Variants in MS4A18 observed in about 807,000 individuals in gnomAD.
The protein encoded by MS4A18 is membrane-spanning 4-domains subfamily A member 18.
In MS4A18, 27 loss-of-function variants were observed where a neutral mutation model predicts 13.1. The observed-to-expected ratio is 2.06, with a 90% CI of 1.52 to 2.84. The LOEUF (loss-of-function observed/expected upper bound fraction) is 2.84, where lower values mean the gene tolerates loss of function less well. MS4A18 is among the 30% of genes most tolerant of loss of function. MS4A18 has a pLI of 0.00. For missense variants in MS4A18, 307 were observed against 196.4 expected (o/e 1.56, Z -3.37); for synonymous variants, 126 against 76.5 (o/e 1.65, Z -3.38).
chr11:60,724,882 T>C (rs893736434), upstream of MS4A18, among the ~76,000 whole-genome samples: 3 of 152,168 alleles, frequency 2.0e-5, no homozygotes, highest in Admixed American at 6.5e-5. Flanking sequence ...CCCTCGGAAG[T>C]GTCTCTTGAG....
At chr11:60,736,566 A>C (rs1853342488) in intron 2 of MS4A18, among the ~76,000 whole-genome samples, 1 of 152,052 alleles carries the variant, frequency 6.6e-6, no homozygotes, top group Admixed American at 6.5e-5. Context: ...CACCCACCAC[A>C]CTGCTCAGCC....
At chr11:60,730,950 C>T (rs542860743) in intron 1 of MS4A18, among the ~76,000 whole-genome samples, 9 of 152,178 alleles carry the variant, frequency 5.9e-5, no homozygotes, top group Non-Finnish European at 1.0e-4. Flanking sequence ...AAAAATTAGC[C>T]AGGTGTGGTG....
At chr11:60,742,875 T>A (rs1228924429) in intron 5 of MS4A18, among the ~76,000 whole-genome samples, 1 of 152,204 alleles carries the variant, frequency 6.6e-6, no homozygotes. Context: ...TGCCTGATGA[T>A]CTCCTTAGCC....
At chr11:60,732,673 G>A (rs1216778417) in intron 1 of MS4A18, among the ~76,000 whole-genome samples, 1 of 149,384 alleles carries the variant, frequency 6.7e-6, no homozygotes, top group African/African-American at 2.5e-5. Context: ...ACAGCTTGCA[G>A]TGAGCCAAGA....
rs928060330 is a variant in MS4A18, at chr11:60,730,427, C to G, written c.477+635C>G. 1.9e-4 allele frequency among the ~76,000 whole-genome samples: 29 copies of G among 152,338 alleles called. 1 individual carries two copies. The highest frequency in any genetic ancestry group is 6.7e-4 in the African/African-American group (28 of 41,568). On this transcript the variant is annotated intron_variant, in intron 1 of 5. Transcript: ENST00000529108. ...GTCACAGATGCCCATACTCTATGCA[C>G]TCATCCATTCAACACTGCACGTGCC...
intron 5 of MS4A18, among the ~76,000 whole-genome samples, chr11:60,743,379 G>A (rs928157085): frequency 9.2e-5 from 14 of 152,160 alleles, no homozygotes; most frequent in Non-Finnish European, 1.5e-4. Context: ...GGGACAACTG[G>A]GCCACTTGTC....
upstream of MS4A18, among the ~76,000 whole-genome samples, chr11:60,726,808 G>A (rs536364431): frequency 1.3e-5 from 2 of 148,216 alleles, no homozygotes; most frequent in South Asian, 2.1e-4. Context: ...TGTGCAGAAC[G>A]TGCAGGCTTG....
chr11:60,729,405 C>T, exon 1 of MS4A18: 1 of 702,810 alleles, frequency 1.4e-6, no homozygotes, highest in Non-Finnish European at 2.6e-6. Context: ...ACCCTGTGGC[C>T]TCTGGAAATC....
intron 1 of MS4A18, among the ~76,000 whole-genome samples, chr11:60,730,809 G>T (rs2134674404): frequency 6.6e-6 from 1 of 152,292 alleles, no homozygotes; most frequent in African/African-American, 2.4e-5. Flanking sequence ...AGAAATCCTG[G>T]TCAGGCCGGA....
At chr11:60,741,474 T>G (rs1853414038) in intron 5 of MS4A18, among the ~76,000 whole-genome samples, 1 of 152,100 alleles carries the variant, frequency 6.6e-6, no homozygotes, top group African/African-American at 2.4e-5. Flanking sequence ...CATCCTCCAG[T>G]ACGCCCACCT....
intron 4 of MS4A18, among the ~76,000 whole-genome samples, chr11:60,740,795 CAG>C (rs1281449813): frequency 1.3e-5 from 2 of 152,106 alleles, no homozygotes; most frequent in Non-Finnish European, 2.9e-5. Flanking sequence ...CTTCAGAGGC[CAG>C]AGAGAGCCCT....
rs200118062 is a variant in MS4A18 at position 60,738,913 on chromosome 11, C to T, written c.660C>T (p.Ser220=). The change falls in exon 4 of 6, where the codon AGC becomes AGT. Residue 220 remains serine, a synonymous_variant. Transcript: ENST00000529108. ...CTCCTCTCCTGCAGGTGAACAGCAG[C>T]ATCAGCTTCAACATCATCAGCGCAC... 1.2e-3 allele frequency: 831 copies of T among 703,370 alleles called. 5 individuals are homozygous for T. The Middle Eastern group carries it at 0.016, about 14-fold the overall frequency. 43.6% of individuals were successfully genotyped at this position (703,370 alleles called of 1,614,324 possible). A position where few individuals can be genotyped will look rare whatever the true frequency, so the allele number is the denominator to read the frequency against.
intron 1 of MS4A18, among the ~76,000 whole-genome samples, chr11:60,733,214 G>A (rs768223831): frequency 5.9e-5 from 9 of 152,248 alleles, no homozygotes; most frequent in Admixed American, 1.3e-4. Flanking sequence ...GCCACAACCC[G>A]GGCTCGGCCC....
upstream of MS4A18, among the ~76,000 whole-genome samples, chr11:60,727,336 C>G (rs149665414): frequency 4.6e-5 from 7 of 152,244 alleles, no homozygotes; most frequent in Non-Finnish European, 7.3e-5. Flanking sequence ...CTATTATGCA[C>G]CTTTTATAGA....
chr11:60,734,364 C>T (rs1366642872), intron 2 of MS4A18, among the ~76,000 whole-genome samples: 1 of 152,120 alleles, frequency 6.6e-6, no homozygotes. Context: ...TGCAAAATTT[C>T]CAGGAATTAT....
intron 2 of MS4A18, among the ~76,000 whole-genome samples, chr11:60,735,121 C>T (rs1342456607): frequency 6.6e-6 from 1 of 152,124 alleles, no homozygotes; most frequent in Admixed American, 6.5e-5. Flanking sequence ...AAACCAAACA[C>T]TTGAAGGGGT....
At chr11:60,743,811 C>T (rs1020011486) in exon 6 of MS4A18, 1 of 702,362 alleles carries the variant, frequency 1.4e-6, no homozygotes, top group Non-Finnish European at 2.6e-6. Context: ...CCACCACCAG[C>T]CCTGTCAACA....
upstream of MS4A18, among the ~76,000 whole-genome samples, chr11:60,726,868 T>G (rs1590960269): frequency 1.3e-5 from 2 of 151,868 alleles, no homozygotes; most frequent in African/African-American, 2.4e-5. Context: ...TATCAACCCG[T>G]CATCTAGGTT....
chr11:60,740,889 AC>A, intron 4 of MS4A18, 140 bp from the exon 6 acceptor site: 3 of 642,858 alleles, frequency 4.7e-6, no homozygotes, highest in Non-Finnish European at 5.6e-6. Context: ...AAAATGGGTG[AC>A]CCAAGCACCT....
Sources: gnomAD v4.1 joint callset for allele counts (sites outside exome capture counted in the v4.1 genomes callset) on GRCh38, gnomAD v4.1.1 for gene constraint, MANE v1.5 for transcripts, NCBI Gene and HGNC (gene_info 2026-07-23, HGNC 2026-07-21) for gene names.